CNTN6: variants seen among roughly 807,000 people sequenced by gnomAD.
The protein encoded by CNTN6 is contactin-6.
In CNTN6, 137 loss-of-function variants were observed where a neutral mutation model predicts 122.8. The ratio of observed to expected loss-of-function variants is 1.12; its 90% CI spans 0.97 to 1.29. The LOEUF (loss-of-function observed/expected upper bound fraction) is 1.29. Among genes scored for constraint, CNTN6 ranks in the 50% most tolerant of loss-of-function variants. CNTN6 has a pLI of 0.00. For synonymous variants in CNTN6, 570 were observed against 426.0 expected, an observed-to-expected ratio of 1.34 and a Z score of -4.16; for missense variants, 1,634 against 1,223.4, an observed-to-expected ratio of 1.34 and a Z score of -5.01.
At chr3:1,190,072 A>G (rs957408438) in intron 2 of CNTN6, among the ~76,000 whole-genome samples, 4 of 152,182 alleles carry the variant, frequency 2.6e-5, no homozygotes, top group Non-Finnish European at 5.9e-5. Flanking sequence ...GTGCCAACGC[A>G]GTGAATCTGG....
intron 20 of CNTN6, among the ~76,000 whole-genome samples, chr3:1,398,370 A>G (rs1369148689): frequency 1.3e-5 from 2 of 152,166 alleles, no homozygotes; most frequent in Non-Finnish European, 2.9e-5. Context: ...AAGGATGTAG[A>G]CTAAGAGATA....
chr3:1,238,189 C>T (rs530356476), intron 4 of CNTN6, among the ~76,000 whole-genome samples: 14 of 152,126 alleles, frequency 9.2e-5, no homozygotes, highest in African/African-American at 2.6e-4. Flanking sequence ...GCTGTCTTCA[C>T]GAGACTCAAC....
At chr3:1,240,861 AAG>A (rs1316382901) in intron 4 of CNTN6, among the ~76,000 whole-genome samples, 1 of 152,158 alleles carries the variant, frequency 6.6e-6, no homozygotes, top group Admixed American at 6.5e-5. Context: ...TGAGTCTGAA[AAG>A]AGAGTCAGTG....
chr3:1,398,125 C>A (rs1414482198), intron 20 of CNTN6, among the ~76,000 whole-genome samples: 2 of 152,212 alleles, frequency 1.3e-5, no homozygotes, highest in East Asian at 3.9e-4. Context: ...GTACAAATAT[C>A]ATGACATGTG....
intron 2 of CNTN6, among the ~76,000 whole-genome samples, chr3:1,179,270 T>G (rs1169985544): frequency 6.6e-6 from 1 of 152,074 alleles, no homozygotes; most frequent in East Asian, 1.9e-4. Flanking sequence ...CTAGGCCCAC[T>G]TCCAACACTA....
intron 1 of CNTN6, among the ~76,000 whole-genome samples, chr3:1,145,011 T>C (rs946988504): frequency 2.0e-5 from 3 of 152,154 alleles, no homozygotes; most frequent in African/African-American, 7.2e-5. Context: ...TTTTGGGTGT[T>C]AGAGATTTGG....
rs556745517 is a variant in CNTN6, at chr3:1,354,726, G to A, written c.1492+2275G>A. Reference sequence around the variant, plus strand: ...TATCTTATGCAGCTTAGTTCATAGGGATATTTTTCATACTGGCTTCCTTGC... The same window carrying A: ...TATCTTATGCAGCTTAGTTCATAGGAATATTTTTCATACTGGCTTCCTTGC... On this transcript the variant is annotated intron_variant, in intron 12 of 22. Transcript: ENST00000446702. Among the ~76,000 whole-genome samples, 4 of 151,412 alleles carry A rather than the reference G, an allele frequency of 2.6e-5. No homozygotes were observed. In the South Asian group the frequency reaches 8.3e-4, roughly 31 times the overall value.
At chr3:1,174,502 C>T (rs377273414) in intron 2 of CNTN6, among the ~76,000 whole-genome samples, 5 of 152,106 alleles carry the variant, frequency 3.3e-5, no homozygotes, top group South Asian at 2.1e-4. Context: ...GATCTTCTGT[C>T]GTAAATATGA....
In CNTN6 at chr3:1,263,384, C is replaced by T. The variant is rs531099873; in HGVS notation, c.359-15029C>T. On this transcript the variant is annotated intron_variant, in intron 4 of 22. Transcript: ENST00000446702. The stretch of plus-strand genomic sequence containing the variant: ...TCCCCTGGGCCCCAGTCTCTTATAA[C>T]CTAATTTTGGAAGTGACAAGCCATA... Among the ~76,000 whole-genome samples, 8 of 152,212 alleles carry T rather than the reference C, an allele frequency of 5.3e-5. No individual in the cohort carries two copies. In the South Asian group the frequency reaches 1.7e-3, roughly 31 times the overall value.
chr3:1,098,789 CATATATATATAT>C (rs1169127167), intron 1 of CNTN6, among the ~76,000 whole-genome samples: 1 of 63,252 alleles, frequency 1.6e-5, no homozygotes, highest in Non-Finnish European at 2.7e-5. Context: ...CACACACACA[CATATATATATAT>C]ATATATATAT....
chr3:1,123,707 A>G lies in CNTN6; in HGVS notation c.-82-24220A>G, dbSNP rs181655047. Among the ~76,000 whole-genome samples, 10 of 151,972 alleles carry G rather than the reference A, an allele frequency of 6.6e-5. No homozygotes were observed. The East Asian group carries it at 1.9e-3, about 29-fold the overall frequency. ...TTCTTGCCTACTTGCTCTGGTTAGA[A>G]CTTCCAGTACAGTGTTGAACAGCAA... On this transcript the variant is annotated intron_variant, in intron 1 of 22. Transcript: ENST00000446702.
intron 1 of CNTN6, among the ~76,000 whole-genome samples, chr3:1,137,236 C>A (rs2092499967): frequency 6.6e-6 from 1 of 152,138 alleles, no homozygotes; most frequent in African/African-American, 2.4e-5. Context: ...GGGGTGTCCC[C>A]CAAACTATGG....
chr3:1,352,214 A>G (rs1705748463), intron 11 of CNTN6, 110 bp from the exon 12 acceptor site: 1 of 939,848 alleles, frequency 1.1e-6, no homozygotes, highest in African/African-American at 1.7e-5. Flanking sequence ...AAAAATTCAT[A>G]TTATCACATA....
At chr3:1,334,527 C>G (rs896604810) in intron 11 of CNTN6, among the ~76,000 whole-genome samples, 1 of 151,944 alleles carries the variant, frequency 6.6e-6, no homozygotes, top group African/African-American at 2.4e-5. Flanking sequence ...AACCTTAGCC[C>G]AAGGGGTTGA....
At chr3:1,202,560 A>AAAT (rs2093899005) in intron 2 of CNTN6, among the ~76,000 whole-genome samples, 1 of 54,814 alleles carries the variant, frequency 1.8e-5, no homozygotes, top group Non-Finnish European at 4.2e-5. Context: ...ATAAATAAAT[A>AAAT]AATAAATAAA....
At chr3:1,371,733 A>G (rs577007911) in intron 12 of CNTN6, among the ~76,000 whole-genome samples, 91 of 152,280 alleles carry the variant, frequency 6.0e-4, no homozygotes, top group Middle Eastern at 3.4e-3. Flanking sequence ...GAAAATCTGA[A>G]TTATTAAAGG....
intron 7 of CNTN6, chr3:1,298,312 T>C (rs1344553654): frequency 5.3e-6 from 1 of 188,154 alleles, no homozygotes; most frequent in Admixed American, 5.9e-5. Context: ...GGCAAGTCAC[T>C]AAACCTTCCA....
intron 1 of CNTN6, among the ~76,000 whole-genome samples, chr3:1,103,013 G>A (rs1282000894): frequency 4.0e-5 from 6 of 151,342 alleles, no homozygotes; most frequent in Non-Finnish European, 5.9e-5. Context: ...GGCTGAGGCA[G>A]GAGAATGGCG....
intron 2 of CNTN6, among the ~76,000 whole-genome samples, chr3:1,200,032 C>T (rs1417413910): frequency 6.6e-6 from 1 of 151,998 alleles, no homozygotes; most frequent in South Asian, 2.1e-4. Context: ...TGTTTTTAGA[C>T]ATATATATAT....
Sources: gnomAD v4.1 joint callset for allele counts (sites outside exome capture counted in the v4.1 genomes callset) on GRCh38, gnomAD v4.1.1 for gene constraint, MANE v1.5 for transcripts, NCBI Gene and HGNC (gene_info 2026-07-23, HGNC 2026-07-21) for gene names.